The following SYCP2L variants were observed in gnomAD, a reference collection of about 807,000 sequenced individuals.
The protein encoded by SYCP2L is synaptonemal complex protein 2 like.
In SYCP2L, 98 loss-of-function variants were observed where a neutral mutation model predicts 125.8. The observed-to-expected ratio is 0.78, with a 90% CI of 0.66 to 0.92. The LOEUF (loss-of-function observed/expected upper bound fraction) is 0.92. Among genes scored for constraint, SYCP2L ranks in the 40% least tolerant of loss-of-function variants. The probability of loss-of-function intolerance (pLI) is 0.00; values close to 1 mark genes in which losing one functional copy is unlikely to be tolerated. For synonymous variants in SYCP2L, 317 were observed against 325.4 expected, an observed-to-expected ratio of 0.97 and a Z score of 0.28; for missense variants, 842 against 936.4, an observed-to-expected ratio of 0.90 and a Z score of 1.32.
At chr6:10,911,450 C>G (rs966151360) in intron 12 of SYCP2L, among the ~76,000 whole-genome samples, 1 of 152,118 alleles carries the variant, frequency 6.6e-6, no homozygotes, top group Non-Finnish European at 1.5e-5. Context: ...TTTGAGTGTC[C>G]TGAACCCTGT....
At chr6:10,939,343 A>C (rs1781171421) in intron 21 of SYCP2L, among the ~76,000 whole-genome samples, 1 of 152,240 alleles carries the variant, frequency 6.6e-6, no homozygotes, top group Admixed American at 6.5e-5. Flanking sequence ...TCAAATTTCT[A>C]CTGGCATTTT....
chr6:10,939,231 A>C (rs1356959836), intron 21 of SYCP2L, among the ~76,000 whole-genome samples: 1 of 152,214 alleles, frequency 6.6e-6, no homozygotes, highest in East Asian at 1.9e-4. Context: ...AAATTAATTG[A>C]AGACACAAAT....
intron 4 of SYCP2L, among the ~76,000 whole-genome samples, chr6:10,894,525 C>G (rs1780225859): frequency 1.3e-5 from 2 of 152,094 alleles, no homozygotes; most frequent in South Asian, 4.1e-4. Flanking sequence ...GGCTCTAGAA[C>G]TATTTTAATA....
chr6:10,891,637 GTGTGTGTGTGTGTGTGTGTGTGTGTGTA>G, intron 2 of SYCP2L, 56 bp downstream of exon 2: 1 of 696,824 alleles, frequency 1.4e-6, no homozygotes, highest in Non-Finnish European at 2.4e-6. Flanking sequence ...GTGTGTGTGT[GTGTGTGTGTGTGTGTGTGTGTGTGTGTA>G]TGTGTATATG....
chr6:10,908,088 A>G (rs1310245138), intron 10 of SYCP2L, among the ~76,000 whole-genome samples: 2 of 151,846 alleles, frequency 1.3e-5, no homozygotes, highest in African/African-American at 2.4e-5. Context: ...AGGTTTAGCC[A>G]TGTTGGCCAG....
At chr6:10,940,545 G>A (rs1385076400) in intron 21 of SYCP2L, among the ~76,000 whole-genome samples, 1 of 152,108 alleles carries the variant, frequency 6.6e-6, no homozygotes, top group African/African-American at 2.4e-5. Flanking sequence ...GATAAACCTG[G>A]AGGACATTAT....
At chr6:10,913,586 T>A (rs1780643138) in intron 14 of SYCP2L, among the ~76,000 whole-genome samples, 2 of 152,070 alleles carry the variant, frequency 1.3e-5, no homozygotes, top group Admixed American at 1.3e-4. Context: ...TCTTGCTGAA[T>A]TGTTTGAGTT....
intron 9 of SYCP2L, 102 bp downstream of exon 9, chr6:10,906,156 A>G: frequency 1.5e-6 from 1 of 671,392 alleles, no homozygotes; most frequent in Non-Finnish European, 2.6e-6. Context: ...GGTTAAATTG[A>G]AGATAGGAAT....
At chr6:10,944,164 C>T (rs866929976) in intron 23 of SYCP2L, among the ~76,000 whole-genome samples, 10 of 152,214 alleles carry the variant, frequency 6.6e-5, no homozygotes, top group Admixed American at 2.0e-4. Flanking sequence ...TTCCACCAGC[C>T]GTATATGAGA....
At chr6:10,923,636 G>A (rs1451938146) in intron 14 of SYCP2L, among the ~76,000 whole-genome samples, 23 of 150,896 alleles carry the variant, frequency 1.5e-4, no homozygotes, top group Admixed American at 4.0e-4. Flanking sequence ...CACCCGCCTC[G>A]GCCTCCCAAA....
chr6:10,906,918 C>T (rs1340072090), intron 9 of SYCP2L, among the ~76,000 whole-genome samples: 1 of 151,268 alleles, frequency 6.6e-6, no homozygotes, highest in Non-Finnish European at 1.5e-5. Context: ...ATTTTTAAGG[C>T]TGTTTGATGA....
chr6:10,941,948 T>C (rs2113378461), intron 21 of SYCP2L, among the ~76,000 whole-genome samples: 1 of 152,102 alleles, frequency 6.6e-6, no homozygotes, highest in East Asian at 1.9e-4. Context: ...ATGTGGCACA[T>C]ATACACCATG....
At chr6:10,964,762 A>T (rs1781651774) in intron 29 of SYCP2L, among the ~76,000 whole-genome samples, 1 of 152,206 alleles carries the variant, frequency 6.6e-6, no homozygotes, top group African/African-American at 2.4e-5. Flanking sequence ...GCTTTGAGAG[A>T]TATCAACAAG....
intron 4 of SYCP2L, among the ~76,000 whole-genome samples, chr6:10,895,763 C>T (rs1780248124): frequency 6.6e-6 from 1 of 150,420 alleles, no homozygotes; most frequent in Non-Finnish European, 1.5e-5. Flanking sequence ...GCTGGGATTA[C>T]AGGCGTGAGC....
At chr6:10,905,973 C>T in intron 8 of SYCP2L, 47 bp from the exon 9 acceptor site, 2 of 1,355,338 alleles carry the variant, frequency 1.5e-6, no homozygotes, top group Non-Finnish European at 2.1e-6. Context: ...AAAGTTTTAC[C>T]TCTTGATGTT....
intron 20 of SYCP2L, 66 bp downstream of exon 20, chr6:10,931,555 C>A: frequency 6.9e-7 from 1 of 1,455,144 alleles, no homozygotes; most frequent in Admixed American, 1.8e-5. Flanking sequence ...TCTCCAAAAA[C>A]AACTTTCAGA....
rs142941160 is a variant in SYCP2L, at chr6:10,961,311, T to G, written c.2262T>G (p.Asn754Lys). 6.2e-7 allele frequency: 1 copy of G among 1,613,992 alleles called. No homozygotes were observed. The change falls in exon 27 of 30, where the codon AAT (asparagine) becomes AAG (lysine). Residue 754 changes from asparagine (N) to lysine (K), a missense_variant. Physicochemically the swap from Asn to Lys is moderately conservative, Grantham distance 94. Transcript: ENST00000283141. ...CTGCTTTTATGTTTATTAGACTCAA[T>G]AAACTAGAGCGCTTTCAAAATTTGG... ...LLNQMQLFRL[N>K]KLERFQNLVL...
chr6:10,935,192 A>G lies in SYCP2L; in HGVS notation c.1813+5A>G, dbSNP rs779161885. 1.9e-6 allele frequency: 3 copies of G among 1,610,062 alleles called. No homozygotes were observed. The highest frequency in any genetic ancestry group is 2.2e-5 in the East Asian group (1 of 44,700). ...AAGATTCTGCCCAGAAAACAGGTAC[A>G]TGATTTTCTGTTGACTTACATAGGA... On this transcript the variant is annotated splice_donor_5th_base_variant and intron_variant, in intron 21 of 29. Coordinates refer to ENST00000283141, the MANE Select transcript of SYCP2L (RefSeq NM_001040274.3).
rs139464075 is a variant in SYCP2L at position 10,896,170 on chromosome 6, A to G, written c.337-1841A>G. Among the ~76,000 whole-genome samples the G allele has an allele frequency of 2.5e-3, 380 of 152,318 alleles. 2 individuals carry two copies. The highest frequency in any genetic ancestry group is 6.8e-3 in the Middle Eastern group (2 of 294). On this transcript the variant is annotated intron_variant, in intron 4 of 29. Coordinates refer to ENST00000283141, the MANE Select transcript of SYCP2L (RefSeq NM_001040274.3). ...CCAAAACAAAACAAGCCCTACAGAA[A>G]GGAACATCTTTAGTCCTGTACCGTA...
Sources: allele counts gnomAD v4.1 joint callset (sites outside exome capture counted in the v4.1 genomes callset), GRCh38; gene constraint gnomAD v4.1.1; transcripts MANE v1.5; gene names NCBI Gene and HGNC (gene_info 2026-07-23, HGNC 2026-07-21).